Variants in DNAH5 observed in about 807,000 individuals in gnomAD.
The protein encoded by DNAH5 is dynein axonemal heavy chain 5.
A neutral mutation model predicts 518.2 loss-of-function variants in DNAH5; 372 were observed. The ratio of observed to expected loss-of-function variants is 0.72; its 90% CI spans 0.66 to 0.78. DNAH5 has a LOEUF of 0.78. DNAH5 is among the 30% of genes least tolerant of loss of function. The probability of loss-of-function intolerance (pLI) is 0.00; values close to 1 mark genes in which losing one functional copy is unlikely to be tolerated. For missense variants in DNAH5, 5,523 were observed against 5,687.0 expected (o/e 0.97, Z 0.93); for synonymous variants, 2,039 against 2,025.9 (o/e 1.01, Z -0.17).
intron 31 of DNAH5, among the ~76,000 whole-genome samples, chr5:13,849,788 C>A (rs977517722): frequency 6.6e-6 from 1 of 151,986 alleles, no homozygotes; most frequent in African/African-American, 2.4e-5. Context: ...GGTCTTTTTT[C>A]CATTTTTAGC....
upstream of DNAH5, among the ~76,000 whole-genome samples, chr5:13,945,973 T>C (rs924178983): frequency 6.6e-6 from 1 of 152,120 alleles, no homozygotes; most frequent in Non-Finnish European, 1.5e-5. Context: ...TAATAAAAAG[T>C]GTTGAAGACA....
chr5:13,879,949 G>A lies in DNAH5; in HGVS notation c.3262+2779C>T, dbSNP rs184526202. 5.5e-4 allele frequency among the ~76,000 whole-genome samples: 84 copies of A among 152,142 alleles called. No individual in the cohort carries two copies. The East Asian group carries it at 0.015, about 27-fold the overall frequency. ...GGAGGAAATAGAAAGCCAGCTCCAG[G>A]AAGCCCAAAGGACATTAAATAAGAT... On this transcript the variant is annotated intron_variant, in intron 21 of 78. Transcript: ENST00000265104.
chr5:13,801,472 T>G (rs566856072), intron 47 of DNAH5, among the ~76,000 whole-genome samples: 1 of 152,314 alleles, frequency 6.6e-6, no homozygotes, highest in African/African-American at 2.4e-5. Flanking sequence ...CAGACTAACA[T>G]AAACCCCTAC....
At position 13,919,218 on chromosome 5, in the gene DNAH5, A is replaced by G. The variant is rs149518079; in HGVS notation, c.933T>C (p.Ala311=). 6.2e-7 allele frequency: 1 copy of G among 1,613,992 alleles called. No homozygotes were observed. Among genetic ancestry groups the G allele is most frequent in the African/African-American group, 1.3e-5 (1 of 74,934 alleles). Residue 311 remains alanine (A), a synonymous_variant, in exon 7 of 79, where the codon GCT becomes GCC. Coordinates refer to ENST00000265104, the MANE Select transcript of DNAH5 (RefSeq NM_001369.3). ...LEQLKSPDVK[A]VLAVLAAAKS... Reference sequence around the variant, plus strand: ...TGGCCGCCGCAAGCACTGCCAGCACAGCCTTCACATCCGGGCTTTTCAATT... The same window carrying G: ...TGGCCGCCGCAAGCACTGCCAGCACGGCCTTCACATCCGGGCTTTTCAATT...
At chr5:13,988,635 C>A (rs1272868163) in intron 1 of DNAH5, among the ~76,000 whole-genome samples, 3 of 151,618 alleles carry the variant, frequency 2.0e-5, no homozygotes, top group Non-Finnish European at 4.4e-5. Context: ...CCAGGCTGGT[C>A]TCAAACTCCT....
intron 1 of DNAH5, among the ~76,000 whole-genome samples, chr5:13,959,422 G>A (rs1336236475): frequency 2.0e-5 from 3 of 152,212 alleles, no homozygotes; most frequent in Non-Finnish European, 2.9e-5. Flanking sequence ...GTGAAGGTTG[G>A]GGAGAGGTGC....
At chr5:13,812,682 TAAAC>T (rs1208789971) in intron 43 of DNAH5, among the ~76,000 whole-genome samples, 1 of 152,164 alleles carries the variant, frequency 6.6e-6, no homozygotes, top group African/African-American at 2.4e-5. Flanking sequence ...ATTTAATTAA[TAAAC>T]AATGTAGAAA....
Position 13,810,183 on chromosome 5 carries a change from C to G in DNAH5, c.7485G>C (p.Ala2495=), listed in dbSNP as rs1760418844. 6.5e-6 allele frequency: 10 copies of G among 1,549,016 alleles called. No individual in the cohort carries two copies. The highest frequency in any genetic ancestry group is 7.9e-6 in the Non-Finnish European group (9 of 1,145,998). Residue 2495 remains alanine (A), a synonymous_variant, in exon 45 of 79, where the codon GCG becomes GCC. Coordinates refer to ENST00000265104, the MANE Select transcript of DNAH5 (RefSeq NM_001369.3). ...GGCGGCGCCGTCCGTCCAGCTCCAG[C>G]GCCGCCCCCGCGCTCCACAGCAGCG... is the stretch of plus-strand genomic sequence containing the variant. ...VFALLWSAGA[A]LELDGRRRLE...
chr5:13,720,111 C>CAA (rs70964504), intron 71 of DNAH5, among the ~76,000 whole-genome samples: 1 of 128,688 alleles, frequency 7.8e-6, no homozygotes, highest in Non-Finnish European at 1.7e-5. Context: ...GAAAAAACAC[C>CAA]AAAAAAAAAA....
At chr5:13,710,426 G>A (rs1044633444) in intron 75 of DNAH5, among the ~76,000 whole-genome samples, 1 of 152,000 alleles carries the variant, frequency 6.6e-6, no homozygotes, top group African/African-American at 2.4e-5. Context: ...ACACCTCAAG[G>A]AACTAGAGAA....
At chr5:13,772,419 T>C (rs1188835570) in intron 55 of DNAH5, among the ~76,000 whole-genome samples, 1 of 152,208 alleles carries the variant, frequency 6.6e-6, no homozygotes, top group African/African-American at 2.4e-5. Context: ...AAGTATATTT[T>C]TCCACAGACC....
Position 13,859,471 on chromosome 5 carries a change from A to C in DNAH5, c.4931T>G (p.Ile1644Ser). The change falls in exon 30 of 79, where the codon ATT becomes AGT. Residue 1644 changes from isoleucine to serine, a missense_variant. By Grantham distance (142) the Ile-to-Ser change is moderately radical (BLOSUM62 -2). Transcript: ENST00000265104. Reference protein sequence around the residue: ...YLEAVFVGGDIAKQLPKEAKR... With the variant: ...YLEAVFVGGDSAKQLPKEAKR... ...CAAAACCTTGGGCAGCTGCTTGGCA[A>C]TGTCTCCTCCCACAAAGACAGCTTC... 4 of 1,614,074 alleles carry C rather than the reference A, an allele frequency of 2.5e-6. No individual in the cohort carries two copies. The highest frequency in any genetic ancestry group is 3.4e-6 in the Non-Finnish European group (4 of 1,179,970).
intron 62 of DNAH5, among the ~76,000 whole-genome samples, chr5:13,753,850 C>T (rs1245576821): frequency 2.0e-5 from 3 of 152,070 alleles, no homozygotes; most frequent in Non-Finnish European, 4.4e-5. Flanking sequence ...TAAGACAGAG[C>T]CTTCATTAAA....
chr5:13,753,402 A>C lies in DNAH5; in HGVS notation c.10703T>G (p.Ile3568Ser), dbSNP rs1255772979. Reference protein sequence around the residue: ...GKNLNLSEMLIDAPTISEWNL... With the variant: ...GKNLNLSEMLSDAPTISEWNL... ...CCATTCACTAATAGTAGGAGCATCA[A>C]TCAACATCTCACTGAGATTTAGGTT... The change falls in exon 63 of 79, where the codon ATT becomes AGT. Residue 3568 changes from isoleucine (I) to serine (S), a missense_variant. Around this residue, in one of 3 missense-constraint regions of DNAH5, gnomAD observed 5,121 missense variants for 5,223.3 expected, o/e 0.98. Transcript: ENST00000265104. 1 of 1,614,080 alleles carries C rather than the reference A, an allele frequency of 6.2e-7. No homozygotes were observed. Among genetic ancestry groups the C allele is most frequent in the African/African-American group, 1.3e-5 (1 of 75,038 alleles).
At chr5:13,818,780 A>G (rs1192098421) in intron 41 of DNAH5, among the ~76,000 whole-genome samples, 1 of 152,224 alleles carries the variant, frequency 6.6e-6, no homozygotes, top group African/African-American at 2.4e-5. Context: ...GCAATATTAA[A>G]GACACTTGAT....
intron 35 of DNAH5, among the ~76,000 whole-genome samples, chr5:13,836,087 C>T (rs1292996956): frequency 2.6e-5 from 4 of 152,226 alleles, no homozygotes; most frequent in South Asian, 4.2e-4. Flanking sequence ...TTCAGGGGTT[C>T]GGACATGGAC....
intron 3 of DNAH5, among the ~76,000 whole-genome samples, chr5:13,925,129 G>A: frequency 6.6e-6 from 1 of 152,110 alleles, no homozygotes; most frequent in East Asian, 1.9e-4. Flanking sequence ...CCTCATTAAA[G>A]GTAACTAGAA....
At chr5:13,960,525 G>A (rs149634847) in intron 1 of DNAH5, among the ~76,000 whole-genome samples, 35 of 152,298 alleles carry the variant, frequency 2.3e-4, no homozygotes, top group Non-Finnish European at 3.8e-4. Flanking sequence ...CCATGGCTGC[G>A]TTCATGCTAC....
At chr5:13,809,991 T>C in intron 45 of DNAH5, 68 bp downstream of exon 45, 1 of 1,365,476 alleles carries the variant, frequency 7.3e-7, no homozygotes, top group Middle Eastern at 2.5e-4. Flanking sequence ...ATATATATGG[T>C]GTAAATATTG....
Sources: allele counts gnomAD v4.1 joint callset (sites outside exome capture counted in the v4.1 genomes callset), GRCh38; gene constraint gnomAD v4.1.1; regional missense constraint gnomAD v4.1.1; transcripts MANE v1.5; gene names NCBI Gene and HGNC (gene_info 2026-07-23, HGNC 2026-07-21).